Variants in BIN2 observed in about 807,000 individuals in gnomAD.
BIN2 encodes the protein bridging integrator 2.
A neutral mutation model predicts 67.9 loss-of-function variants in BIN2; 43 were observed. The ratio of observed to expected loss-of-function variants is 0.63; its 90% CI spans 0.50 to 0.82. BIN2 has a LOEUF of 0.82. Ranked by LOEUF, BIN2 falls within the 40% of genes least tolerant of loss-of-function variation. The pLI, the probability that BIN2 is intolerant of heterozygous loss-of-function variation, is 0.00. For synonymous variants in BIN2, 244 were observed against 246.8 expected, an observed-to-expected ratio of 0.99 and a Z score of 0.11; for missense variants, 581 against 671.6, an observed-to-expected ratio of 0.87 and a Z score of 1.49.
chr12:51,297,598 C>T (rs1335821266), intron 7 of BIN2, among the ~76,000 whole-genome samples: 1 of 152,016 alleles, frequency 6.6e-6, no homozygotes, highest in Non-Finnish European at 1.5e-5. Context: ...ATCCCACATC[C>T]CACACTCAGG....
intron 1 of BIN2, among the ~76,000 whole-genome samples, chr12:51,323,626 A>C (rs543705971): frequency 6.6e-6 from 1 of 152,174 alleles, no homozygotes; most frequent in Non-Finnish European, 1.5e-5. Context: ...CCCTCTATGG[A>C]AAATTACCCT....
chr12:51,324,542 G>C (rs1159753876), upstream of BIN2: 1 of 1,529,622 alleles, frequency 6.5e-7, no homozygotes, highest in African/African-American at 1.4e-5. Flanking sequence ...GGTTCTCTGA[G>C]TATGCATGCG....
rs763415924 is a variant in BIN2 at position 51,292,307 on chromosome 12, G to A, written c.799C>T (p.Arg267Ter). The change falls in exon 10 of 13, where the codon CGA becomes TGA. Residue 267 changes from arginine (R) to a stop codon, truncating the protein, a stop_gained. Transcript: ENST00000615107. LOFTEE classifies it high-confidence loss of function. Reference protein sequence around the residue: ...RRSLVISPPVRTATVSSPLTS... With the variant: ...RRSLVISPPV ...AGAGGACTGGAGACTGTAGCTGTTC[G>A]AACTGGGGGAGAAATGACTAAAGAG... 17 of 1,595,476 alleles carry A rather than the reference G, an allele frequency of 1.1e-5. No individual in the cohort carries two copies. The highest frequency in any genetic ancestry group is 4.4e-5 in the South Asian group (4 of 90,914).
chr12:51,297,055 A>C (rs551006604), intron 8 of BIN2, 34 bp downstream of exon 8: 1 of 1,561,782 alleles, frequency 6.4e-7, no homozygotes, highest in East Asian at 2.2e-5. Context: ...TAGAAAACAC[A>C]CCTAGGAGCC....
Position 51,291,582 on chromosome 12 carries a change from T to C in BIN2, c.1515+9A>G. On this transcript the variant is annotated intron_variant, in intron 10 of 12. Transcript: ENST00000615107. Reference sequence around the variant, plus strand: ...ATTAAATTAAATACCCAACCAGAACTACTCTTACCTGAGATGTCATTAAGG... The same window carrying C: ...ATTAAATTAAATACCCAACCAGAACCACTCTTACCTGAGATGTCATTAAGG... The C allele has an allele frequency of 1.9e-6, 3 of 1,578,258 alleles. No individual in the cohort carries two copies. Among genetic ancestry groups the C allele is most frequent in the Non-Finnish European group, 2.6e-6 (3 of 1,168,316 alleles).
intron 12 of BIN2, among the ~76,000 whole-genome samples, chr12:51,284,381 CTTG>C (rs1482476532): frequency 1.3e-5 from 2 of 152,156 alleles, no homozygotes; most frequent in Non-Finnish European, 2.9e-5. Context: ...AGAGCATATC[CTTG>C]TTGTTGAGCA....
intron 1 of BIN2, among the ~76,000 whole-genome samples, chr12:51,319,985 CT>C (rs1946228166): frequency 6.6e-6 from 1 of 151,716 alleles, no homozygotes; most frequent in Admixed American, 6.6e-5. Context: ...TTTTCTCCCT[CT>C]CTTTCTTTCT....
At chr12:51,297,246 A>G in intron 7 of BIN2, 82 bp from the exon 8 acceptor site, 1 of 1,320,792 alleles carries the variant, frequency 7.6e-7, no homozygotes, top group Non-Finnish European at 1.1e-6. Context: ...GTAGGACTTA[A>G]GCCAAAACCA....
chr12:51,324,355 C>G (rs1408025957), upstream of BIN2, among the ~76,000 whole-genome samples: 1 of 152,184 alleles, frequency 6.6e-6, no homozygotes, highest in Non-Finnish European at 1.5e-5. Context: ...CGAGCTCCAA[C>G]CCCTGCCCGA....
rs1455448191 is a variant in BIN2, at chr12:51,302,799, G to A, written c.218-19C>T. 6.3e-7 allele frequency: 1 copy of A among 1,589,464 alleles called. No individual in the cohort carries two copies. Among genetic ancestry groups the A allele is most frequent in the South Asian group, 1.1e-5 (1 of 90,588 alleles). On this transcript the variant is annotated intron_variant, in intron 3 of 12. Transcript: ENST00000615107. ...TGCATCACTGAAAGGAGAGAATTCA[G>A]TCCCACCATCATGTTTCCCCAACAG... is the stretch of plus-strand genomic sequence containing the variant.
At chr12:51,315,262 C>T (rs1178603402) in intron 1 of BIN2, among the ~76,000 whole-genome samples, 1 of 151,962 alleles carries the variant, frequency 6.6e-6, no homozygotes, top group Non-Finnish European at 1.5e-5. Context: ...CTCCGCCTCC[C>T]GGGTTCACGC....
chr12:51,320,051 T>A (rs1004345822), intron 1 of BIN2, among the ~76,000 whole-genome samples: 18 of 152,070 alleles, frequency 1.2e-4, no homozygotes, highest in African/African-American at 4.3e-4. Context: ...AGTGGCACAA[T>A]CTCAGCTCAC....
chr12:51,313,359 A>G (rs1051453085), intron 2 of BIN2, among the ~76,000 whole-genome samples: 6 of 151,264 alleles, frequency 4.0e-5, no homozygotes, highest in Non-Finnish European at 5.9e-5. Flanking sequence ...TTTTTTTGAG[A>G]TGGAGTTTCA....
At chr12:51,297,039 A>G in intron 8 of BIN2, 50 bp downstream of exon 8, 2 of 1,504,224 alleles carry the variant, frequency 1.3e-6, no homozygotes, top group East Asian at 2.3e-5. Flanking sequence ...CTACCTTCAT[A>G]TTTACTAGAA....
chr12:51,302,645 G>C (rs1945757339), intron 4 of BIN2, 41 bp downstream of exon 4: 1 of 1,497,650 alleles, frequency 6.7e-7, no homozygotes, highest in Admixed American at 1.7e-5. Context: ...ATGCAAACAG[G>C]AGTAAGTGCC....
In BIN2 at chr12:51,304,787, C is replaced by T. The variant is rs1005429769; in HGVS notation, c.163-1646G>A. Among the ~76,000 whole-genome samples, 10 of 152,074 alleles carry T rather than the reference C, an allele frequency of 6.6e-5. 1 individual carries two copies. Among genetic ancestry groups the T allele is most frequent in the Admixed American group, 5.2e-4 (8 of 15,262 alleles). On this transcript the variant is annotated intron_variant, in intron 2 of 12. Transcript: ENST00000615107. The stretch of plus-strand genomic sequence containing the variant: ...ATCCCAGCACTTAGGGAGGCCGAGG[C>T]GGGCGGATCACGAGGTCAGGAGATC...
In BIN2 at chr12:51,308,522, G is replaced by A. The variant is rs983332266; in HGVS notation, c.162+5301C>T. ...TGAGGATGGAGAAAGTTCTTGTCCT[G>A]GGGTTCCCTACTTTCTGGAGAAAAA... On this transcript the variant is annotated intron_variant, in intron 2 of 12. Coordinates refer to ENST00000615107, the MANE Select transcript of BIN2 (RefSeq NM_016293.4). Among the ~76,000 whole-genome samples, 6 of 152,254 alleles carry A rather than the reference G, an allele frequency of 3.9e-5. No individual in the cohort carries two copies. The South Asian group carries it at 1.2e-3, about 32-fold the overall frequency.
Position 51,303,103 on chromosome 12 carries a change from G to T in BIN2, c.201C>A (p.Phe67Leu). The change falls in exon 3 of 13, where the codon TTC becomes TTA. Residue 67 changes from phenylalanine to leucine, a missense_variant. By Grantham distance (22) the Phe-to-Leu change is conservative. Coordinates refer to ENST00000615107, the MANE Select transcript of BIN2 (RefSeq NM_016293.4). Reference protein sequence around the residue: ...GHKLYKDLKNFLSAVKVMHES... With the variant: ...GHKLYKDLKNLLSAVKVMHES... ...ATTGCCCACCTTTGACTGCACTAAGGAAGTTCTTCAGGTCCTTGTACAGCT... is the reference window on the plus strand; with the variant it reads ...ATTGCCCACCTTTGACTGCACTAAGTAAGTTCTTCAGGTCCTTGTACAGCT... 1 of 1,614,138 alleles carries T rather than the reference G, an allele frequency of 6.2e-7. No homozygotes were observed. Among genetic ancestry groups the T allele is most frequent in the South Asian group, 1.1e-5 (1 of 91,072 alleles).
At chr12:51,312,942 G>T (rs188080365) in intron 2 of BIN2, among the ~76,000 whole-genome samples, 46 of 152,116 alleles carry the variant, frequency 3.0e-4, no homozygotes, top group African/African-American at 9.6e-4. Flanking sequence ...ATATAGTAAA[G>T]AATTTGTGGG....
Sources: allele counts gnomAD v4.1 joint callset (sites outside exome capture counted in the v4.1 genomes callset), GRCh38; gene constraint gnomAD v4.1.1; transcripts MANE v1.5; gene names NCBI Gene and HGNC (gene_info 2026-07-23, HGNC 2026-07-21).